The following KLHL15 variants were observed in gnomAD, a reference collection of about 807,000 sequenced individuals.
KLHL15 encodes kelch-like protein 15.
A neutral mutation model predicts 29.3 loss-of-function variants in KLHL15; 1 was observed. The ratio of observed to expected loss-of-function variants is 0.03; its 90% CI spans 0.01 to 0.16. The LOEUF is 0.16. Ranked by LOEUF, KLHL15 falls within the 10% of genes least tolerant of loss-of-function variation. The pLI is 1.00. For missense variants in KLHL15, 215 were observed against 478.5 expected (o/e 0.45, Z 5.14); for synonymous variants, 212 against 184.5 (o/e 1.15, Z -1.21).
At chrX:24,021,470 T>C (rs1929802278) in intron 2 of KLHL15, among the ~76,000 whole-genome samples, 1 of 112,091 alleles carries the variant, frequency 8.9e-6, no homozygotes, top group South Asian at 3.6e-4. Flanking sequence ...CTGCAGTATA[T>C]TAAATGGCAA....
Position 23,986,943 on chromosome X carries a change from C to G in KLHL15, c.*978G>C, listed in dbSNP as rs371078072. 6 of 111,846 alleles carry G rather than the reference C, an allele frequency of 5.4e-5. No individual in the cohort carries two copies. The highest frequency in any genetic ancestry group is 1.6e-4 in the African/African-American group (5 of 30,792). 9.2% of individuals were successfully genotyped at this position (111,846 alleles called of 1,213,427 possible). ...TGCAGGGCCAGAACTTGTCATATACCACTCCGATTCTCACTAAAAACAGGG... is the reference window on the plus strand; with the variant it reads ...TGCAGGGCCAGAACTTGTCATATACGACTCCGATTCTCACTAAAAACAGGG... On this transcript the variant is annotated 3_prime_UTR_variant, in exon 4 of 4. Transcript: ENST00000328046.
chrX:24,016,368 A>AAAG (rs1555978285), intron 2 of KLHL15, among the ~76,000 whole-genome samples: 121 of 76,374 alleles, frequency 1.6e-3, no homozygotes, highest in Non-Finnish European at 2.1e-3. Flanking sequence ...AAAAAAAAAA[A>AAAG]GGGGGGGTAT....
At chrX:23,996,172 C>T (rs1247274386) in intron 3 of KLHL15, among the ~76,000 whole-genome samples, 1 of 112,310 alleles carries the variant, frequency 8.9e-6, no homozygotes, top group Non-Finnish European at 1.9e-5. Flanking sequence ...AAGATGGTGC[C>T]TGGCCCTATT....
intron 3 of KLHL15, among the ~76,000 whole-genome samples, chrX:23,990,064 C>A (rs1428561833): frequency 9.1e-6 from 1 of 110,274 alleles, no homozygotes; most frequent in African/African-American, 3.3e-5. Context: ...GTTGTCCAAG[C>A]ACTTAGGGAG....
intron 3 of KLHL15, among the ~76,000 whole-genome samples, chrX:23,990,422 G>A (rs1050001281): frequency 1.3e-4 from 14 of 111,181 alleles, no homozygotes; most frequent in African/African-American, 4.2e-4. Flanking sequence ...TAAGAAGTAG[G>A]GGACCAAGCA....
At chrX:23,994,959 G>A (rs1228523164) in intron 3 of KLHL15, among the ~76,000 whole-genome samples, 3 of 111,261 alleles carry the variant, frequency 2.7e-5, no homozygotes, top group Non-Finnish European at 3.8e-5. Context: ...TTACCAGCAT[G>A]AGCCACCTTG....
At chrX:24,019,468 C>A (rs1243169174) in intron 2 of KLHL15, among the ~76,000 whole-genome samples, 1 of 110,638 alleles carries the variant, frequency 9.0e-6, no homozygotes, top group Non-Finnish European at 1.9e-5. Flanking sequence ...GTTGCCCAGG[C>A]TGGTCTCGAA....
intron 3 of KLHL15, among the ~76,000 whole-genome samples, chrX:23,989,328 C>T (rs752219829): frequency 1.3e-4 from 14 of 109,595 alleles, no homozygotes; most frequent in Non-Finnish European, 1.9e-4. Context: ...GCGCCTGCCA[C>T]CACGCGCCCA....
At chrX:24,016,339 C>CAAAAAAAAAA (rs755683770) in intron 2 of KLHL15, among the ~76,000 whole-genome samples, 2 of 21,691 alleles carry the variant, frequency 9.2e-5, no homozygotes, top group African/African-American at 2.9e-4. Flanking sequence ...GACTCTGTCT[C>CAAAAAAAAAA]AAAAAAAAAA....
At position 23,987,025 on chromosome X, in the gene KLHL15, CAAAG is replaced by C. The variant is rs1473760891; in HGVS notation, c.*892_*895del. The C allele has an allele frequency of 1.8e-5, 2 of 112,408 alleles. No homozygotes were observed. The highest frequency in any genetic ancestry group is 1.9e-5 in the Non-Finnish European group (1 of 53,262). 9.3% of individuals were successfully genotyped at this position (112,408 alleles called of 1,213,427 possible). Reference sequence around the variant, plus strand: ...TTCAAAAAGAAAAGACATACATCGACAAAGAACACTAACATTTACTTTTGAAAAT... The same window carrying C: ...TTCAAAAAGAAAAGACATACATCGACAACACTAACATTTACTTTTGAAAAT... On this transcript the variant is annotated 3_prime_UTR_variant, in exon 4 of 4. Coordinates refer to ENST00000328046, the MANE Select transcript of KLHL15 (RefSeq NM_030624.3).
At chrX:23,997,698 T>G (rs1244064801) in intron 3 of KLHL15, among the ~76,000 whole-genome samples, 1 of 85,828 alleles carries the variant, frequency 1.2e-5, no homozygotes, top group Admixed American at 1.3e-4. Flanking sequence ...GCCATTCCAC[T>G]TCAGCCTGGT....
chrX:23,995,364 G>A (rs1257902379), intron 3 of KLHL15, among the ~76,000 whole-genome samples: 2 of 89,332 alleles, frequency 2.2e-5, no homozygotes, highest in Non-Finnish European at 4.1e-5. Context: ...CCAAGATCAC[G>A]CCACTGCACT....
intron 2 of KLHL15, among the ~76,000 whole-genome samples, chrX:24,015,171 G>A (rs1929650223): frequency 8.9e-6 from 1 of 111,962 alleles, no homozygotes; most frequent in African/African-American, 3.2e-5. Context: ...TTTTAGAACA[G>A]AAATATCTGT....
At chrX:23,995,406 C>CAAAA (rs144296339) in intron 3 of KLHL15, among the ~76,000 whole-genome samples, 9 of 34,720 alleles carry the variant, frequency 2.6e-4, no homozygotes, top group East Asian at 9.1e-4. Flanking sequence ...GACTCTGTCT[C>CAAAA]AAAAAAAAAA....
In KLHL15 at chrX:24,008,578, T is replaced by G. The variant is rs1164868546; in HGVS notation, c.-7-1878A>C. The stretch of plus-strand genomic sequence containing the variant: ...CTGGGTTATTTATGAAGCAAATTAA[T>G]TTTCTCCTTTTCACATACCCCCACC... On this transcript the variant is annotated intron_variant, in intron 2 of 3. Coordinates refer to ENST00000328046, the MANE Select transcript of KLHL15 (RefSeq NM_030624.3). 7.2e-5 allele frequency among the ~76,000 whole-genome samples: 8 copies of G among 110,865 alleles called. No individual in the cohort carries two copies. The Admixed American group carries it at 7.7e-4, about 11-fold the overall frequency.
At chrX:23,994,046 CAAA>C (rs35880434) in intron 3 of KLHL15, among the ~76,000 whole-genome samples, 4 of 57,782 alleles carry the variant, frequency 6.9e-5, no homozygotes, top group Non-Finnish European at 6.9e-5. Flanking sequence ...GACCTTGTCT[CAAA>C]AAAAAAAAAA....
At chrX:23,991,090 T>C (rs1169902182) in intron 3 of KLHL15, among the ~76,000 whole-genome samples, 2 of 110,128 alleles carry the variant, frequency 1.8e-5, no homozygotes, top group Non-Finnish European at 3.8e-5. Flanking sequence ...CGGTGGCTCA[T>C]GCCTGTAATC....
Position 24,025,056 on chromosome X carries a change from G to C in KLHL15, c.-207C>G. On this transcript the variant is annotated splice_region_variant and 5_prime_UTR_variant, in exon 2 of 4. Transcript: ENST00000328046. The stretch of plus-strand genomic sequence containing the variant: ...CTCGCCTGCAGCCCCCTCTGGATAA[G>C]TCCTGGGAAAGAAGACAGCGCTGAG... The C allele has an allele frequency of 3.4e-6, 1 of 297,554 alleles. No individual in the cohort carries two copies. Among genetic ancestry groups the C allele is most frequent in the Non-Finnish European group, 5.9e-6 (1 of 169,908 alleles). 24.5% of individuals were successfully genotyped at this position (297,554 alleles called of 1,213,427 possible). A position where few individuals can be genotyped will look rare whatever the true frequency, so the allele number is the denominator to read the frequency against.
In KLHL15 at chrX:23,985,308, A is replaced by G. The variant is rs897646877; in HGVS notation, c.*2613T>C. 1 of 112,117 alleles carries G rather than the reference A, an allele frequency of 8.9e-6. No individual in the cohort carries two copies. Among genetic ancestry groups the G allele is most frequent in the African/African-American group, 3.2e-5 (1 of 30,892 alleles). The allele number at this position is 112,117 out of a possible 1,213,427, so 9.2% of individuals were successfully genotyped here. ...GTATATAAACAAAAACTCCAAATGA[A>G]GCACACAAAAAATAAACTTGAAAAA... On this transcript the variant is annotated 3_prime_UTR_variant, in exon 4 of 4. Coordinates refer to ENST00000328046, the MANE Select transcript of KLHL15 (RefSeq NM_030624.3).
Sources: gnomAD v4.1 joint callset for allele counts (sites outside exome capture counted in the v4.1 genomes callset) on GRCh38, gnomAD v4.1.1 for gene constraint, MANE v1.5 for transcripts, NCBI Gene and HGNC (gene_info 2026-07-23, HGNC 2026-07-21) for gene names.